The following SRGAP1 variants were observed in gnomAD, a reference collection of about 807,000 sequenced individuals.
SRGAP1 encodes SLIT-ROBO Rho GTPase-activating protein 1.
A neutral mutation model predicts 121.9 loss-of-function variants in SRGAP1; 43 were observed. The observed-to-expected ratio is 0.35, with a 90% CI of 0.28 to 0.46. The LOEUF is 0.46. Ranked by LOEUF, SRGAP1 falls within the 20% of genes least tolerant of loss-of-function variation. The probability of loss-of-function intolerance (pLI) is 1.00; values close to 1 mark genes in which losing one functional copy is unlikely to be tolerated. For missense variants in SRGAP1, 1,102 were observed against 1,350.9 expected (o/e 0.82, Z 2.89); for synonymous variants, 447 against 485.4 (o/e 0.92, Z 1.04).
At chr12:63,971,005 A>G (rs1028180249) in intron 1 of SRGAP1, among the ~76,000 whole-genome samples, 2 of 152,162 alleles carry the variant, frequency 1.3e-5, no homozygotes, top group African/African-American at 2.4e-5. Context: ...GCCTCTGCCT[A>G]CCTAACCACC....
intron 1 of SRGAP1, among the ~76,000 whole-genome samples, chr12:63,853,067 T>A (rs969378957): frequency 6.6e-6 from 1 of 151,798 alleles, no homozygotes; most frequent in African/African-American, 2.4e-5. Flanking sequence ...TTGCCCAGGC[T>A]GGAGTGCAAT....
intron 1 of SRGAP1, among the ~76,000 whole-genome samples, chr12:63,854,993 G>C (rs548459628): frequency 2.0e-5 from 3 of 152,146 alleles, no homozygotes; most frequent in Non-Finnish European, 4.4e-5. Flanking sequence ...ATTGAGCAAT[G>C]TGCTAGTTAA....
rs369029188 is a variant in SRGAP1 at position 63,965,692 on chromosome 12, A to G, written c.68-18255A>G. Among the ~76,000 whole-genome samples the G allele has an allele frequency of 2.3e-4, 35 of 152,340 alleles. 1 individual carries two copies. Among genetic ancestry groups the G allele is most frequent in the African/African-American group, 7.9e-4 (33 of 41,596 alleles). On this transcript the variant is annotated intron_variant, in intron 1 of 21. Transcript: ENST00000355086. ...AAAATAAATAAATTTAAAAAAACAC[A>G]GAAAGTAATTGTACTATGTTAACAT...
intron 1 of SRGAP1, among the ~76,000 whole-genome samples, chr12:63,973,544 C>T (rs1201177473): frequency 6.6e-6 from 1 of 152,134 alleles, no homozygotes; most frequent in Non-Finnish European, 1.5e-5. Context: ...GTACTTACCG[C>T]AGAACCTGAA....
chr12:64,008,760 A>G (rs976272877), intron 3 of SRGAP1, among the ~76,000 whole-genome samples: 9 of 152,182 alleles, frequency 5.9e-5, no homozygotes, highest in Non-Finnish European at 1.3e-4. Flanking sequence ...ATGAACTTCA[A>G]TATCTCAAAG....
chr12:64,131,537 G>C (rs912663505), intron 21 of SRGAP1, among the ~76,000 whole-genome samples: 2 of 152,198 alleles, frequency 1.3e-5, no homozygotes, highest in African/African-American at 4.8e-5. Flanking sequence ...ACTTTCGGGT[G>C]GTGCCTGCAT....
intron 1 of SRGAP1, among the ~76,000 whole-genome samples, chr12:63,882,975 G>T (rs73126648): frequency 6.6e-6 from 1 of 152,174 alleles, no homozygotes; most frequent in African/African-American, 2.4e-5. Flanking sequence ...TCTCTGAAGC[G>T]TATGAGGAGA....
intron 2 of SRGAP1, among the ~76,000 whole-genome samples, chr12:63,986,203 C>G (rs181071458): frequency 1.3e-5 from 2 of 150,822 alleles, no homozygotes; most frequent in African/African-American, 4.9e-5. Context: ...TTCTCTCTCT[C>G]CCCCCCGACA....
At chr12:63,978,799 T>C (rs2033165056) in intron 1 of SRGAP1, among the ~76,000 whole-genome samples, 1 of 152,222 alleles carries the variant, frequency 6.6e-6, no homozygotes, top group Non-Finnish European at 1.5e-5. Flanking sequence ...CCAAAAGGAC[T>C]GCATCATTTT....
At chr12:63,919,499 C>CATATATCTATGTATATGTAT (rs1555239827) in intron 1 of SRGAP1, among the ~76,000 whole-genome samples, 1 of 134,190 alleles carries the variant, frequency 7.5e-6, no homozygotes, top group African/African-American at 3.1e-5. Context: ...CTTAACATTA[C>CATATATCTATGTATATGTAT]ATATATATAT....
chr12:63,893,442 G>A (rs1900652807), intron 1 of SRGAP1, among the ~76,000 whole-genome samples: 1 of 152,146 alleles, frequency 6.6e-6, no homozygotes, highest in Non-Finnish European at 1.5e-5. Context: ...GGTGGCAAGG[G>A]TTTCAGGGAA....
chr12:64,153,496 A>G lies in SRGAP1; in HGVS notation c.*10824A>G, dbSNP rs1241577419. On this transcript the variant is annotated 3_prime_UTR_variant, in exon 22 of 22. Coordinates refer to ENST00000355086, the MANE Select transcript of SRGAP1 (RefSeq NM_020762.4). ...TCAAAAAAAAAAAAAAAAGTAAGGT[A>G]CTTAGATGTCATTCTAAGTTCAAGG... 1 of 151,696 alleles carries G rather than the reference A, an allele frequency of 6.6e-6. No homozygotes were observed. Among genetic ancestry groups the G allele is most frequent in the African/African-American group, 2.4e-5 (1 of 41,216 alleles). The allele number at this position is 151,696 out of a possible 1,614,324, so 9.4% of individuals were successfully genotyped here.
intron 21 of SRGAP1, among the ~76,000 whole-genome samples, chr12:64,134,420 CAAA>C (rs750862183): frequency 2.5e-5 from 3 of 119,418 alleles, no homozygotes; most frequent in Non-Finnish European, 1.8e-5. Context: ...GACTCCATCT[CAAA>C]AAAAAAAAAA....
intron 4 of SRGAP1, among the ~76,000 whole-genome samples, chr12:64,019,332 A>G (rs1480190413): frequency 6.6e-6 from 1 of 152,204 alleles, no homozygotes; most frequent in Admixed American, 6.5e-5. Context: ...AAAGCCTGAA[A>G]GAGTCAGGTT....
Position 63,915,336 on chromosome 12 carries a change from T to G in SRGAP1, c.68-68611T>G, listed in dbSNP as rs185447501. On this transcript the variant is annotated intron_variant, in intron 1 of 21. Coordinates refer to ENST00000355086, the MANE Select transcript of SRGAP1 (RefSeq NM_020762.4). ...GCTAACTGCCATATGAATAATTTAC[T>G]TTCAGGGAACCAGGAAACATAAAAG... Among the ~76,000 whole-genome samples the G allele has an allele frequency of 2.0e-5, 3 of 152,314 alleles. No individual in the cohort carries two copies. In the East Asian group the frequency reaches 5.8e-4, roughly 29 times the overall value.
At chr12:64,065,731 T>A (rs1255004072) in intron 8 of SRGAP1, among the ~76,000 whole-genome samples, 2 of 152,202 alleles carry the variant, frequency 1.3e-5, no homozygotes, top group African/African-American at 4.8e-5. Context: ...GCCATGTTAA[T>A]TTAATCCTAA....
intron 1 of SRGAP1, among the ~76,000 whole-genome samples, chr12:63,938,851 A>G (rs1289726891): frequency 6.6e-6 from 1 of 151,702 alleles, no homozygotes; most frequent in Non-Finnish European, 1.5e-5. Context: ...ATTGTGATAT[A>G]CTTTTTTGAT....
intron 21 of SRGAP1, among the ~76,000 whole-genome samples, chr12:64,140,135 GT>G (rs2036933464): frequency 6.9e-6 from 1 of 144,336 alleles, no homozygotes; most frequent in African/African-American, 2.7e-5. Context: ...TGCTGTTTTG[GT>G]TACTGTAGCC....
chr12:64,076,529 A>G (rs1480694306), intron 8 of SRGAP1, among the ~76,000 whole-genome samples: 2 of 152,196 alleles, frequency 1.3e-5, no homozygotes, highest in Non-Finnish European at 2.9e-5. Context: ...CAGACAAATC[A>G]GAAGAAATAA....
Sources: allele counts gnomAD v4.1 joint callset (sites outside exome capture counted in the v4.1 genomes callset), GRCh38; gene constraint gnomAD v4.1.1; transcripts MANE v1.5; gene names NCBI Gene and HGNC (gene_info 2026-07-23, HGNC 2026-07-21).